The following SPECC1L variants were observed in gnomAD, a reference collection of about 807,000 sequenced individuals.
SPECC1L encodes the protein sperm antigen with calponin homology and coiled-coil domains 1 like, also known as cytospin-A.
SPECC1L carries 40 observed loss-of-function variants against 116.8 expected under a neutral mutation model. The ratio of observed to expected loss-of-function variants is 0.34; its 90% confidence interval spans 0.27 to 0.45. The LOEUF is 0.45. Ranked by LOEUF, SPECC1L falls within the 20% of genes least tolerant of loss-of-function variation. The pLI is 1.00. For synonymous variants in SPECC1L, 504 were observed against 500.6 expected, an observed-to-expected ratio of 1.01 and a Z score of -0.09; for missense variants, 1,110 against 1,373.6, an observed-to-expected ratio of 0.81 and a Z score of 3.03.
intron 1 of SPECC1L, among the ~76,000 whole-genome samples, chr22:24,274,511 C>T (rs2048792808): frequency 3.3e-5 from 5 of 152,138 alleles, no homozygotes; most frequent in African/African-American, 1.2e-4. Context: ...ATTCTGAAGA[C>T]TGACTGACTG....
At chr22:24,367,600 A>G (rs1050415756) in intron 13 of SPECC1L, among the ~76,000 whole-genome samples, 5 of 152,196 alleles carry the variant, frequency 3.3e-5, no homozygotes, top group African/African-American at 9.7e-5. Context: ...ACAAAAATGT[A>G]TATTTCCTTC....
At chr22:24,404,429 A>G (rs1601358363) in intron 14 of SPECC1L, among the ~76,000 whole-genome samples, 1 of 152,098 alleles carries the variant, frequency 6.6e-6, no homozygotes, top group Non-Finnish European at 1.5e-5. Flanking sequence ...CTCAGTGCCC[A>G]CCTTCCTCCA....
Position 24,299,402 on chromosome 22 carries a change from A to T in SPECC1L, c.-37-2793A>T, listed in dbSNP as rs62233089. 7.4e-3 allele frequency among the ~76,000 whole-genome samples: 1,128 copies of T among 152,114 alleles called. 6 individuals carry two copies. The highest frequency in any genetic ancestry group is 0.012 in the South Asian group (60 of 4,822). ...CAGTGAGCCGTGACTGCACCACTGCACTCCAGCATGGGTGACAGAGTAAGA... is the reference window on the plus strand; with the variant it reads ...CAGTGAGCCGTGACTGCACCACTGCTCTCCAGCATGGGTGACAGAGTAAGA... On this transcript the variant is annotated intron_variant, in intron 2 of 16. Transcript: ENST00000314328.
chr22:24,358,838 C>T (rs1333468514), intron 11 of SPECC1L, among the ~76,000 whole-genome samples: 3 of 152,206 alleles, frequency 2.0e-5, no homozygotes, highest in African/African-American at 7.2e-5. Context: ...GGAAAACTAC[C>T]TGTAACTATT....
At chr22:24,379,209 A>G (rs1394867074) in intron 14 of SPECC1L, among the ~76,000 whole-genome samples, 2 of 150,652 alleles carry the variant, frequency 1.3e-5, no homozygotes, top group East Asian at 1.9e-4. Context: ...TCTTCTCTCT[A>G]TTAAAATTTA....
intron 6 of SPECC1L, among the ~76,000 whole-genome samples, chr22:24,325,252 G>C: frequency 6.6e-6 from 1 of 152,198 alleles, no homozygotes; most frequent in East Asian, 1.9e-4. Flanking sequence ...ACACTGAAGA[G>C]GAAGGAAACT....
rs1461987435 is a variant in SPECC1L, at chr22:24,363,244, C to T, written c.2744-17C>T. The T allele has an allele frequency of 6.2e-7, 1 of 1,609,604 alleles. No homozygotes were observed. The highest frequency in any genetic ancestry group is 1.1e-5 in the South Asian group (1 of 90,986). On this transcript the variant is annotated splice_polypyrimidine_tract_variant and intron_variant, in intron 11 of 16. Coordinates refer to ENST00000314328, the MANE Select transcript of SPECC1L (RefSeq NM_015330.6). ...AGCATCAGATTTCTTTATTGGGATT[C>T]TTTCTACTTTGTACAGAGCATCTGT...
At chr22:24,283,358 G>A (rs1188113024) in intron 2 of SPECC1L, among the ~76,000 whole-genome samples, 2 of 152,224 alleles carry the variant, frequency 1.3e-5, no homozygotes, top group Non-Finnish European at 2.9e-5. Context: ...GATTACAGGC[G>A]TGAGCCACCG....
At chr22:24,285,745 G>A (rs1315432891) in intron 2 of SPECC1L, among the ~76,000 whole-genome samples, 4 of 152,100 alleles carry the variant, frequency 2.6e-5, no homozygotes, top group Non-Finnish European at 5.9e-5. Context: ...CTGGGTTCAA[G>A]TGATTCTCCT....
chr22:24,316,315 GTTTCTCGCAGAGGGGGA>G (rs1308019788), intron 4 of SPECC1L, among the ~76,000 whole-genome samples: 2 of 147,796 alleles, frequency 1.4e-5, no homozygotes, highest in Non-Finnish European at 3.0e-5. Context: ...ATTCTTGGGT[GTTTCTCGCAGAGGGGGA>G]TTTGGCAGGG....
chr22:24,301,233 T>C (rs2049371830), intron 2 of SPECC1L, among the ~76,000 whole-genome samples: 1 of 152,164 alleles, frequency 6.6e-6, no homozygotes, highest in Non-Finnish European at 1.5e-5. Context: ...AAAGGTCTAA[T>C]ATCCAGAATT....
chr22:24,382,051 A>G (rs1168458361), intron 14 of SPECC1L, among the ~76,000 whole-genome samples: 2 of 152,234 alleles, frequency 1.3e-5, no homozygotes, highest in Non-Finnish European at 2.9e-5. Context: ...CAGTAAAGTA[A>G]AATTTTTGTT....
At chr22:24,317,741 C>T (rs551086000) in intron 4 of SPECC1L, among the ~76,000 whole-genome samples, 10 of 148,820 alleles carry the variant, frequency 6.7e-5, no homozygotes, top group East Asian at 2.0e-4. Flanking sequence ...GGCTGCCGGG[C>T]GGAGGGGCTC....
At chr22:24,410,530 A>G (rs1264370398) in intron 14 of SPECC1L, among the ~76,000 whole-genome samples, 3 of 152,250 alleles carry the variant, frequency 2.0e-5, no homozygotes, top group Non-Finnish European at 4.4e-5. Flanking sequence ...ACCAGACACT[A>G]AAAAGACCAA....
intron 6 of SPECC1L, among the ~76,000 whole-genome samples, chr22:24,328,041 G>C (rs1332699207): frequency 6.6e-6 from 1 of 152,124 alleles, no homozygotes; most frequent in African/African-American, 2.4e-5. Flanking sequence ...AGCCGTAAGC[G>C]GTTTACTTAG....
chr22:24,351,352 GC>G (rs1230589399), intron 11 of SPECC1L, among the ~76,000 whole-genome samples: 2 of 152,272 alleles, frequency 1.3e-5, no homozygotes, highest in African/African-American at 4.8e-5. Context: ...TGTTACCTTG[GC>G]TTTTGTGGGT....
intron 4 of SPECC1L, among the ~76,000 whole-genome samples, chr22:24,320,872 G>T (rs1173488110): frequency 6.6e-6 from 1 of 152,126 alleles, no homozygotes; most frequent in Non-Finnish European, 1.5e-5. Context: ...TTCACTATCT[G>T]TGTACAGTTA....
At chr22:24,395,683 G>GC (rs1329799779) in intron 14 of SPECC1L, among the ~76,000 whole-genome samples, 1 of 152,130 alleles carries the variant, frequency 6.6e-6, no homozygotes, top group Non-Finnish European at 1.5e-5. Flanking sequence ...TGTCTCCCAG[G>GC]CTGGAGTGCA....
chr22:24,349,501 G>A (rs1322151091), intron 11 of SPECC1L, among the ~76,000 whole-genome samples: 2 of 152,178 alleles, frequency 1.3e-5, no homozygotes, highest in African/African-American at 4.8e-5. Context: ...TCTCTCGCCT[G>A]TTCTTCTCTG....
Sources: gnomAD v4.1 joint callset for allele counts (sites outside exome capture counted in the v4.1 genomes callset) on GRCh38, gnomAD v4.1.1 for gene constraint, MANE v1.5 for transcripts, NCBI Gene and HGNC (gene_info 2026-07-23, HGNC 2026-07-21) for gene names.